The following CTNND2 variants were observed in gnomAD, a reference collection of about 807,000 sequenced individuals.
The protein encoded by CTNND2 is catenin delta-2.
A neutral mutation model predicts 144.4 loss-of-function variants in CTNND2; 22 were observed. The observed-to-expected ratio is 0.15, with a 90% CI of 0.11 to 0.22. The LOEUF is 0.22. Among genes scored for constraint, CTNND2 ranks in the 10% least tolerant of loss-of-function variants. The probability of loss-of-function intolerance (pLI) is 1.00; values close to 1 mark genes in which losing one functional copy is unlikely to be tolerated. For missense variants in CTNND2, 1,353 were observed against 1,618.8 expected, an observed-to-expected ratio of 0.84 and a Z score of 2.82; for synonymous variants, 751 against 695.6, an observed-to-expected ratio of 1.08 and a Z score of -1.25.
At chr5:11,719,529 C>T in intron 2 of CTNND2, among the ~76,000 whole-genome samples, 1 of 152,020 alleles carries the variant, frequency 6.6e-6, no homozygotes, top group Non-Finnish European at 1.5e-5. Flanking sequence ...TCTCAGACCA[C>T]AGAGGAAAGA....
chr5:11,312,902 A>G lies in CTNND2; in HGVS notation c.1628+33470T>C, dbSNP rs145710520. Among the ~76,000 whole-genome samples, 12 of 152,348 alleles carry G rather than the reference A, an allele frequency of 7.9e-5. No homozygotes were observed. In the East Asian group the frequency reaches 2.1e-3, roughly 27 times the overall value. On this transcript the variant is annotated intron_variant, in intron 9 of 21. Transcript: ENST00000304623. ...TCCAGAATACTTTTATCTCCATTTC[A>G]AAACACCATTAAAATCAATTCAAAC...
intron 11 of CTNND2, among the ~76,000 whole-genome samples, chr5:11,186,762 G>A (rs1474473866): frequency 6.6e-6 from 1 of 152,166 alleles, no homozygotes; most frequent in Non-Finnish European, 1.5e-5. Context: ...AATATGTATT[G>A]TTTTATCAAG....
At chr5:11,517,571 T>G (rs1023348565) in intron 3 of CTNND2, among the ~76,000 whole-genome samples, 1 of 151,862 alleles carries the variant, frequency 6.6e-6, no homozygotes, top group African/African-American at 2.4e-5. Flanking sequence ...TCACCTCACA[T>G]AGTTAACATT....
intron 21 of CTNND2, among the ~76,000 whole-genome samples, chr5:10,980,606 T>C (rs1026002412): frequency 7.3e-6 from 1 of 136,716 alleles, no homozygotes; most frequent in South Asian, 2.1e-4. Flanking sequence ...CGTACATTTA[T>C]TGTGGCACTC....
Position 11,397,099 on chromosome 5 carries a change from C to G in CTNND2, c.544G>C (p.Glu182Gln), listed in dbSNP as rs1278775149. The change falls in exon 6 of 22, where the codon GAA becomes CAA. Residue 182 changes from glutamate to glutamine, a missense_variant. This residue lies in a region of CTNND2 where 708 missense variants were observed against 706.4 expected (regional missense o/e 1.00). Coordinates refer to ENST00000304623, the MANE Select transcript of CTNND2 (RefSeq NM_001332.4). ...YHSNQTLALG[E>Q]TTPSQLPARG... ...GCCGGGAGCTGTGAAGGGGTGGTTT[C>G]CCCCAGGGCCAGGGTCTGGTTGCTA... 1 of 1,614,026 alleles carries G rather than the reference C, an allele frequency of 6.2e-7. No homozygotes were observed. The highest frequency in any genetic ancestry group is 1.7e-5 in the Admixed American group (1 of 60,024).
chr5:11,877,533 T>G (rs66487155), intron 1 of CTNND2, among the ~76,000 whole-genome samples: 38,176 of 152,062 alleles, frequency 0.25, 5,028 homozygotes, highest in Non-Finnish European at 0.29. Flanking sequence ...TATTTTGAAA[T>G]ATAAGCACAT....
At chr5:11,736,767 A>C (rs1347220255) in intron 1 of CTNND2, among the ~76,000 whole-genome samples, 1 of 152,178 alleles carries the variant, frequency 6.6e-6, no homozygotes, top group Non-Finnish European at 1.5e-5. Flanking sequence ...ACCAAGAACA[A>C]AGGAAGAGCA....
At position 11,236,571 on chromosome 5, in the gene CTNND2, T is replaced by C. The variant is rs1308008724; in HGVS notation, c.1761+120A>G. 7.4e-6 allele frequency: 8 copies of C among 1,083,102 alleles called. No individual in the cohort carries two copies. The Admixed American group carries it at 8.9e-5, about 12-fold the overall frequency. The allele number at this position is 1,083,102 out of a possible 1,614,324, so 67.1% of individuals were successfully genotyped here. On this transcript the variant is annotated intron_variant, in intron 10 of 21. Coordinates refer to ENST00000304623, the MANE Select transcript of CTNND2 (RefSeq NM_001332.4). ...ACATGCTATGTTCTAGTCATAAATA[T>C]AGATCTAAATTTTAAAAGCATAACT... is the stretch of plus-strand genomic sequence containing the variant.
At chr5:11,902,150 G>C (rs965157988) in intron 1 of CTNND2, among the ~76,000 whole-genome samples, 1 of 152,162 alleles carries the variant, frequency 6.6e-6, no homozygotes, top group Non-Finnish European at 1.5e-5. Context: ...AACTCCGAAT[G>C]TAATCGTCTT....
intron 7 of CTNND2, among the ~76,000 whole-genome samples, chr5:11,370,916 T>C (rs542782379): frequency 6.6e-6 from 1 of 152,314 alleles, no homozygotes; most frequent in Non-Finnish European, 1.5e-5. Flanking sequence ...AAAGTAAATT[T>C]CTTATGATAT....
At chr5:10,993,590 TA>T (rs2149501533) in intron 18 of CTNND2, among the ~76,000 whole-genome samples, 1 of 152,360 alleles carries the variant, frequency 6.6e-6, no homozygotes, top group African/African-American at 2.4e-5. Context: ...TCAATTCTTT[TA>T]GATTTTTTAT....
intron 1 of CTNND2, among the ~76,000 whole-genome samples, chr5:11,885,912 G>A (rs912575212): frequency 5.3e-5 from 8 of 151,878 alleles, no homozygotes; most frequent in African/African-American, 9.7e-5. Context: ...TAAGCAACAC[G>A]GTTCTGAACA....
chr5:11,349,442 G>T (rs1191110409), intron 8 of CTNND2, among the ~76,000 whole-genome samples: 3 of 152,104 alleles, frequency 2.0e-5, no homozygotes, highest in Non-Finnish European at 4.4e-5. Context: ...GAGAGATTAA[G>T]AAACTAGCCG....
At chr5:11,527,924 A>G (rs572177687) in intron 3 of CTNND2, among the ~76,000 whole-genome samples, 1 of 152,310 alleles carries the variant, frequency 6.6e-6, no homozygotes, top group East Asian at 1.9e-4. Context: ...ACGGCGCTGC[A>G]TTAAGGGTGT....
At chr5:11,032,058 T>C (rs951203944) in intron 16 of CTNND2, among the ~76,000 whole-genome samples, 2 of 152,228 alleles carry the variant, frequency 1.3e-5, no homozygotes, top group African/African-American at 4.8e-5. Context: ...TATACATATA[T>C]CCTATTAGTT....
Position 11,384,979 on chromosome 5 carries a change from T to G in CTNND2, c.863A>C (p.Glu288Ala). The change falls in exon 7 of 22, where the codon GAG becomes GCG. Residue 288 changes from glutamate to alanine, a missense_variant. Around this residue, in one of 4 missense-constraint regions of CTNND2, gnomAD observed 708 missense variants for 706.4 expected, o/e 1.00. Coordinates refer to ENST00000304623, the MANE Select transcript of CTNND2 (RefSeq NM_001332.4). This position sits in a 1 kb window ranked among gnomAD's most constrained non-coding sequence, Gnocchi z 5.2. ...TKLQRGGSAPEGATYAAPRGS... is the reference protein window; with the variant it reads ...TKLQRGGSAPAGATYAAPRGS... ...GCGCGGCGCGGCGTAGGTGGCGCCC[T>G]CGGGGGCCGAGCCGCCGCGCTGCAG... 2 of 1,533,650 alleles carry G rather than the reference T, an allele frequency of 1.3e-6. No homozygotes were observed. Among genetic ancestry groups the G allele is most frequent in the South Asian group, 2.4e-5 (2 of 83,516 alleles).
intron 5 of CTNND2, among the ~76,000 whole-genome samples, chr5:11,397,734 G>T (rs544678144): frequency 3.9e-5 from 6 of 152,274 alleles, no homozygotes; most frequent in Middle Eastern, 3.4e-3. Flanking sequence ...GTACGATGTG[G>T]AATTCACCGT....
intron 21 of CTNND2, among the ~76,000 whole-genome samples, chr5:10,976,448 A>G (rs61752729): frequency 6.6e-6 from 1 of 152,260 alleles, no homozygotes; most frequent in East Asian, 1.9e-4. Flanking sequence ...AGCAGAGGGG[A>G]TTTCTGAATC....
chr5:11,708,545 C>G (rs890811060), intron 2 of CTNND2, among the ~76,000 whole-genome samples: 2 of 152,092 alleles, frequency 1.3e-5, no homozygotes, highest in Non-Finnish European at 2.9e-5. Context: ...TCCATTTGCA[C>G]AACCTGAATA....
Sources: allele counts gnomAD v4.1 joint callset (sites outside exome capture counted in the v4.1 genomes callset), GRCh38; gene constraint gnomAD v4.1.1; regional missense constraint gnomAD v4.1.1; non-coding constraint Gnocchi (gnomAD v3.1); transcripts MANE v1.5; gene names NCBI Gene and HGNC (gene_info 2026-07-23, HGNC 2026-07-21).